Variants in C14orf39 observed in about 807,000 individuals in gnomAD.
C14orf39 encodes the protein chromosome 14 open reading frame 39, also known as protein SIX6OS1.
A neutral mutation model predicts 85.6 loss-of-function variants in C14orf39; 66 were observed. The observed-to-expected ratio is 0.77, with a 90% confidence interval of 0.63 to 0.95. The LOEUF is 0.95. Among genes scored for constraint, C14orf39 ranks in the 40% least tolerant of loss-of-function variants. The pLI, the probability that C14orf39 is intolerant of heterozygous loss-of-function variation, is 0.00. For synonymous variants in C14orf39, 242 were observed against 214.0 expected (o/e 1.13, Z -1.14); for missense variants, 735 against 663.9 (o/e 1.11, Z -1.18).
intron 1 of C14orf39, among the ~76,000 whole-genome samples, chr14:60,506,056 A>ATT (rs1205570866): frequency 6.6e-6 from 1 of 152,100 alleles, no homozygotes; most frequent in Non-Finnish European, 1.5e-5. Flanking sequence ...CTTCTACATG[A>ATT]TTTTTTTCTC....
chr14:60,456,502 T>C (rs1891285496), intron 15 of C14orf39, among the ~76,000 whole-genome samples: 1 of 151,230 alleles, frequency 6.6e-6, no homozygotes, highest in Admixed American at 6.6e-5. Flanking sequence ...GGGATCCTCC[T>C]CCCTTAGCCT....
At chr14:60,474,598 T>G (rs1185429576) in intron 5 of C14orf39, among the ~76,000 whole-genome samples, 2 of 152,190 alleles carry the variant, frequency 1.3e-5, no homozygotes, top group Non-Finnish European at 2.9e-5. Context: ...TTATTGATAG[T>G]TTTTAGCATG....
Position 60,484,724 on chromosome 14 carries a change from T to C in C14orf39, c.106+157A>G, listed in dbSNP as rs1373841158. Among the ~76,000 whole-genome samples, 2 of 152,326 alleles carry C rather than the reference T, an allele frequency of 1.3e-5. No homozygotes were observed. The highest frequency in any genetic ancestry group is 6.8e-3 in the Middle Eastern group (2 of 294). On this transcript the variant is annotated intron_variant, in intron 3 of 17. Coordinates refer to ENST00000321731, the MANE Select transcript of C14orf39 (RefSeq NM_174978.3). This position sits in a 1 kb window ranked among gnomAD's most constrained non-coding sequence, Gnocchi z 4.2. ...ATCAAACAACTATAGTTAAGTCACATCTATTTCGTCTAGGGTAAATAGTTT... is the reference window on the plus strand; with the variant it reads ...ATCAAACAACTATAGTTAAGTCACACCTATTTCGTCTAGGGTAAATAGTTT...
At position 60,466,215 on chromosome 14, in the gene C14orf39, T is replaced by C. The variant is rs543711753; in HGVS notation, c.896-160A>G. On this transcript the variant is annotated intron_variant, in intron 10 of 17. Coordinates refer to ENST00000321731, the MANE Select transcript of C14orf39 (RefSeq NM_174978.3). ...TATGAAATTATTTTAAAACTCTTAA[T>C]TCCTTACTATATAATAGCTTTACAA... Among the ~76,000 whole-genome samples the C allele has an allele frequency of 1.2e-4, 18 of 152,110 alleles. No individual in the cohort carries two copies. In the East Asian group the frequency reaches 3.3e-3, roughly 28 times the overall value.
At chr14:60,512,463 G>A (rs1335421383) in intron 1 of C14orf39, 2 of 152,196 alleles carry the variant, frequency 1.3e-5, no homozygotes, top group Non-Finnish European at 2.9e-5. Flanking sequence ...TCTTGCTGCA[G>A]AATTTGGTTT....
rs1892782941 is a variant in C14orf39, at chr14:60,484,306, T to C, written c.107-489A>G. On this transcript the variant is annotated intron_variant, in intron 3 of 17. Transcript: ENST00000321731. The surrounding 1 kb of genome is among the most constrained non-coding windows in gnomAD (Gnocchi z 4.2). ...AAATGGACATAATTTCTTAAAAAGA[T>C]TAAAATAAATTCTTAATATTCTGTA... 6.6e-6 allele frequency among the ~76,000 whole-genome samples: 1 copy of C among 152,186 alleles called. No individual in the cohort carries two copies. The highest frequency in any genetic ancestry group is 2.4e-5 in the African/African-American group (1 of 41,476).
chr14:60,504,378 T>C (rs1004370713), intron 1 of C14orf39, among the ~76,000 whole-genome samples: 7 of 152,248 alleles, frequency 4.6e-5, no homozygotes, highest in African/African-American at 1.4e-4. Flanking sequence ...CAGTTTAATG[T>C]GAATAATATT....
chr14:60,447,993 T>G (rs538094391), intron 16 of C14orf39, among the ~76,000 whole-genome samples: 35 of 152,280 alleles, frequency 2.3e-4, no homozygotes, highest in Non-Finnish European at 8.8e-5. Flanking sequence ...TAGCCATATG[T>G]AGAAAGCTGA....
At chr14:60,454,279 T>A (rs1337897511) in intron 16 of C14orf39, among the ~76,000 whole-genome samples, 3 of 151,974 alleles carry the variant, frequency 2.0e-5, no homozygotes, top group Admixed American at 6.6e-5. Flanking sequence ...ACAATATTAC[T>A]CATATCACAT....
At position 60,465,851 on chromosome 14, in the gene C14orf39, AACACACACACACACACACAC is replaced by A. The variant is rs10529202; in HGVS notation, c.972+108_972+127del. 2.7e-3 allele frequency: 1,132 copies of A among 413,204 alleles called. 4 individuals are homozygous for A. Among genetic ancestry groups the A allele is most frequent in the East Asian group, 5.6e-3 (142 of 25,572 alleles). The allele number at this position is 413,204 out of a possible 1,614,324, so 25.6% of individuals were successfully genotyped here. The stretch of plus-strand genomic sequence containing the variant: ...CTAATGGCTGATTTAATAAATTTAT[AACACACACACACACACACAC>A]ACACACACACACACACACACACGTC... On this transcript the variant is annotated intron_variant, in intron 11 of 17. Transcript: ENST00000321731.
intron 4 of C14orf39, among the ~76,000 whole-genome samples, chr14:60,479,787 C>T (rs752222250): frequency 2.0e-5 from 3 of 152,110 alleles, no homozygotes; most frequent in Non-Finnish European, 4.4e-5. Flanking sequence ...TTCCCATATC[C>T]ATAAATATAC....
In C14orf39 at chr14:60,461,489, T is replaced by A; in HGVS notation, c.1058+19A>T. 6.3e-7 allele frequency: 1 copy of A among 1,575,072 alleles called. No homozygotes were observed. ...AATTATTTCAGAGATTAAAGCATTT[T>A]CTTATTTTAAAAAGTTACCTGACTT... On this transcript the variant is annotated intron_variant, in intron 12 of 17. Coordinates refer to ENST00000321731, the MANE Select transcript of C14orf39 (RefSeq NM_174978.3).
At chr14:60,490,214 G>A (rs577899527), upstream of C14orf39, among the ~76,000 whole-genome samples, 28 of 152,196 alleles carry the variant, frequency 1.8e-4, no homozygotes, top group African/African-American at 6.7e-4. Flanking sequence ...CTCACAATGT[G>A]TATCTCTAGC....
Position 60,466,035 on chromosome 14 carries a change from C to A in C14orf39, c.916G>T (p.Ala306Ser), listed in dbSNP as rs962953331. 2.6e-6 allele frequency: 4 copies of A among 1,535,558 alleles called. No individual in the cohort carries two copies. The highest frequency in any genetic ancestry group is 3.5e-6 in the Non-Finnish European group (4 of 1,140,772). Residue 306 changes from alanine (A) to serine (S), a missense_variant, in exon 11 of 18, where the codon GCG becomes TCG. By Grantham distance (99) the Ala-to-Ser change is moderately conservative. Coordinates refer to ENST00000321731, the MANE Select transcript of C14orf39 (RefSeq NM_174978.3). Reference protein sequence around the residue: ...RVADIKEESSAKQSKLANIDF... With the variant: ...RVADIKEESSSKQSKLANIDF... ...ATATTGGCAAGCTTTGACTGCTTCG[C>A]AGAACTTTCTTCTTTTATATCTAGA...
At chr14:60,502,033 T>C (rs1893155789) in intron 1 of C14orf39, among the ~76,000 whole-genome samples, 1 of 152,230 alleles carries the variant, frequency 6.6e-6, no homozygotes, top group Non-Finnish European at 1.5e-5. Context: ...GTTATTGCAA[T>C]GATTTAAACC....
intron 7 of C14orf39, 150 bp from the exon 8 acceptor site, chr14:60,469,803 G>A: frequency 2.6e-6 from 1 of 377,828 alleles, no homozygotes; most frequent in Admixed American, 4.8e-5. Flanking sequence ...CTGAAAACAG[G>A]AGAATAATAT....
chr14:60,472,208 A>G (rs1228394486), intron 5 of C14orf39, among the ~76,000 whole-genome samples: 1 of 149,028 alleles, frequency 6.7e-6, no homozygotes, highest in East Asian at 2.0e-4. Context: ...AGCTAAAATT[A>G]TCACATGAAG....
chr14:60,461,624 G>T, intron 11 of C14orf39, 31 bp from the exon 12 acceptor site: 1 of 1,401,922 alleles, frequency 7.1e-7, no homozygotes, highest in Non-Finnish European at 9.6e-7. Flanking sequence ...ATCTGACTTG[G>T]CTACACAAAG....
chr14:60,442,152 A>C (rs1421709229), intron 16 of C14orf39, 21 bp from the exon 17 acceptor site: 1 of 1,500,222 alleles, frequency 6.7e-7, no homozygotes, highest in Non-Finnish European at 9.3e-7. Context: ...ATTTCCATTA[A>C]ATATTACTTG....
Sources: gnomAD v4.1 joint callset for allele counts (sites outside exome capture counted in the v4.1 genomes callset) on GRCh38, gnomAD v4.1.1 for gene constraint, Gnocchi (gnomAD v3.1) non-coding constraint, MANE v1.5 for transcripts, NCBI Gene and HGNC (gene_info 2026-07-23, HGNC 2026-07-21) for gene names.